Variants in RTKN2 observed in about 807,000 individuals in gnomAD.
RTKN2 encodes the protein rhotekin-2.
A neutral mutation model predicts 71.5 loss-of-function variants in RTKN2; 69 were observed. The ratio of observed to expected loss-of-function variants is 0.96; its 90% CI spans 0.79 to 1.18. The LOEUF (loss-of-function observed/expected upper bound fraction) is 1.18. Ranked by LOEUF, RTKN2 falls within the 50% of genes most tolerant of loss-of-function variation. The pLI is 0.00. For synonymous variants in RTKN2, 236 were observed against 236.5 expected (o/e 1.00, Z 0.02); for missense variants, 724 against 719.7 (o/e 1.01, Z -0.07).
intron 1 of RTKN2, among the ~76,000 whole-genome samples, chr10:62,263,311 C>CA (rs948656045): frequency 1.3e-5 from 2 of 151,834 alleles, no homozygotes; most frequent in Non-Finnish European, 2.9e-5. Context: ...GTCTATAAGC[C>CA]AAAAAAATAC....
chr10:62,197,357 C>A lies in RTKN2; in HGVS notation c.*551G>T. On this transcript the variant is annotated 3_prime_UTR_variant, in exon 12 of 12. Transcript: ENST00000373789. Reference sequence around the variant, plus strand: ...AGAATTTAATATTCTAAAATTTATCCCAGGAATTTAAAAGGTCAGGCCTAT... The same window carrying A: ...AGAATTTAATATTCTAAAATTTATCACAGGAATTTAAAAGGTCAGGCCTAT... 1 of 984,850 alleles carries A rather than the reference C, an allele frequency of 1.0e-6. No homozygotes were observed. The highest frequency in any genetic ancestry group is 4.7e-5 in the South Asian group (1 of 21,256). The allele number at this position is 984,850 out of a possible 1,614,324, so 61.0% of individuals were successfully genotyped here.
Position 62,195,218 on chromosome 10 carries a change from C to T in RTKN2, c.*2690G>A. 1 of 979,102 alleles carries T rather than the reference C, an allele frequency of 1.0e-6. No individual in the cohort carries two copies. Among genetic ancestry groups the T allele is most frequent in the Non-Finnish European group, 1.2e-6 (1 of 824,396 alleles). 60.7% of individuals were successfully genotyped at this position (979,102 alleles called of 1,614,324 possible). On this transcript the variant is annotated 3_prime_UTR_variant, in exon 12 of 12. Transcript: ENST00000373789. The stretch of plus-strand genomic sequence containing the variant: ...ATCATAAAATATCTATTCTGTTTCC[C>T]CAATTATATTATCAAGAGCTGACAG...
At chr10:62,254,240 C>T (rs1200538031) in intron 2 of RTKN2, among the ~76,000 whole-genome samples, 3 of 152,180 alleles carry the variant, frequency 2.0e-5, no homozygotes, top group African/African-American at 4.8e-5. Context: ...ATCATGGGGG[C>T]GGATTTCCCC....
chr10:62,207,970 T>C (rs938205126), intron 9 of RTKN2, among the ~76,000 whole-genome samples: 4 of 152,250 alleles, frequency 2.6e-5, no homozygotes, highest in Non-Finnish European at 5.9e-5. Context: ...GATTTGTAAA[T>C]AGATTTGAGA....
In RTKN2 at chr10:62,234,497, A is replaced by AAC. The variant is rs981783915; in HGVS notation, c.686+1568_686+1569insGT. Among the ~76,000 whole-genome samples, 44 of 151,382 alleles carry AAC rather than the reference A, an allele frequency of 2.9e-4. No homozygotes were observed. The East Asian group carries it at 8.5e-3, about 29-fold the overall frequency. On this transcript the variant is annotated intron_variant, in intron 6 of 11. Transcript: ENST00000373789. ...GGCAACAGATCCAGACTTGTCTTAAAAAAAAAAAAAGAAAAAGAAAAAGAA... is the reference window on the plus strand; with the variant it reads ...GGCAACAGATCCAGACTTGTCTTAAAACAAAAAAAAAAGAAAAAGAAAAAGAA...
chr10:62,186,663 A>T (rs1317529992), intron 8 of RTKN2, among the ~76,000 whole-genome samples: 8 of 152,198 alleles, frequency 5.3e-5, no homozygotes, highest in Non-Finnish European at 1.2e-4. Flanking sequence ...GTCTACATAA[A>T]CTATTGTTTG....
intron 6 of RTKN2, among the ~76,000 whole-genome samples, chr10:62,229,812 A>G (rs1277390435): frequency 6.6e-6 from 1 of 152,200 alleles, no homozygotes; most frequent in African/African-American, 2.4e-5. Context: ...TGTGACTAAG[A>G]CATCTTTTAA....
intron 3 of RTKN2, among the ~76,000 whole-genome samples, chr10:62,242,730 A>T (rs1842403336): frequency 6.6e-6 from 1 of 151,750 alleles, no homozygotes; most frequent in African/African-American, 2.4e-5. Flanking sequence ...CCGGGGTTCA[A>T]GTGATTCTCC....
At position 62,196,001 on chromosome 10, in the gene RTKN2, T is replaced by C. The variant is rs977130176; in HGVS notation, c.*1907A>G. Reference sequence around the variant, plus strand: ...GAGGAAAAATGACAAGAATATAATCTGGAAGTTTTAATACTGATTTGTAAT... The same window carrying C: ...GAGGAAAAATGACAAGAATATAATCCGGAAGTTTTAATACTGATTTGTAAT... On this transcript the variant is annotated 3_prime_UTR_variant, in exon 12 of 12. Transcript: ENST00000373789. 3 of 984,636 alleles carry C rather than the reference T, an allele frequency of 3.0e-6. No individual in the cohort carries two copies. The African/African-American group carries it at 5.3e-5, about 17-fold the overall frequency. The allele number at this position is 984,636 out of a possible 1,614,324, so 61.0% of individuals were successfully genotyped here.
chr10:62,211,036 A>T (rs1029474609), intron 9 of RTKN2, among the ~76,000 whole-genome samples: 7 of 152,176 alleles, frequency 4.6e-5, no homozygotes, highest in Non-Finnish European at 7.4e-5. Flanking sequence ...TTTAGTACAG[A>T]TTTTATTAAA....
At chr10:62,203,340 GA>G (rs1370211449) in intron 10 of RTKN2, among the ~76,000 whole-genome samples, 1 of 104,126 alleles carries the variant, frequency 9.6e-6, no homozygotes, top group Non-Finnish European at 1.9e-5. Context: ...GAGATCTGCT[GA>G]ATTTTTTTTT....
Position 62,268,542 on chromosome 10 carries a change from G to GC in RTKN2, c.60+8dup. 6.4e-7 allele frequency: 1 copy of GC among 1,553,566 alleles called. No homozygotes were observed. Among genetic ancestry groups the GC allele is most frequent in the Non-Finnish European group, 8.7e-7 (1 of 1,148,220 alleles). On this transcript the variant is annotated intron_variant, in intron 1 of 11. Coordinates refer to ENST00000373789, the MANE Select transcript of RTKN2 (RefSeq NM_145307.4). ...CACCTTCCGCGGCAGGGTCCCTCCC[G>GC]CAACTCACCTGCTGGGTGGGAAGCC...
chr10:62,188,008 C>G (rs1028151213), intron 8 of RTKN2, among the ~76,000 whole-genome samples: 4 of 152,220 alleles, frequency 2.6e-5, no homozygotes, highest in Non-Finnish European at 4.4e-5. Flanking sequence ...TAACCATATA[C>G]AAATGAAACA....
chr10:62,241,149 A>G lies in RTKN2; in HGVS notation c.363T>C (p.Asn121=). 1 of 1,541,108 alleles carries G rather than the reference A, an allele frequency of 6.5e-7. No homozygotes were observed. Among genetic ancestry groups the G allele is most frequent in the Non-Finnish European group, 8.9e-7 (1 of 1,121,636 alleles). ...LMWKDSDHFS[N]KERSRRYAIF... ...AATTAAAATCATACATACGTTCTTT[A>G]TTGCTGAAGTGATCAGAGTCTTTCC... The change falls in exon 4 of 12, where the codon AAT becomes AAC. Residue 121 remains asparagine (N), a synonymous_variant. Coordinates refer to ENST00000373789, the MANE Select transcript of RTKN2 (RefSeq NM_145307.4).
chr10:62,244,781 C>T (rs1412108634), intron 3 of RTKN2, among the ~76,000 whole-genome samples: 1 of 152,046 alleles, frequency 6.6e-6, no homozygotes, highest in Admixed American at 6.5e-5. Flanking sequence ...AAACAAGCAA[C>T]AAATTTTTAC....
At chr10:62,250,634 TTTTA>T (rs1327811968) in intron 2 of RTKN2, among the ~76,000 whole-genome samples, 1 of 152,158 alleles carries the variant, frequency 6.6e-6, no homozygotes, top group Non-Finnish European at 1.5e-5. Context: ...GTTTTATTAT[TTTTA>T]TTTATTTTTG....
intron 6 of RTKN2, 25 bp from the exon 7 acceptor site, chr10:62,223,357 T>C: frequency 7.3e-7 from 1 of 1,365,876 alleles, no homozygotes; most frequent in Non-Finnish European, 1.0e-6. Context: ...GAAGACATGT[T>C]TTAAGTATTT....
chr10:62,257,718 T>C (rs902226118), intron 2 of RTKN2, among the ~76,000 whole-genome samples: 1 of 152,178 alleles, frequency 6.6e-6, no homozygotes, highest in Admixed American at 6.5e-5. Context: ...GAAAGTAGAC[T>C]GAAATAAACC....
At chr10:62,184,167 T>C (rs1841097930) in exon 9 of RTKN2, 1 of 544,410 alleles carries the variant, frequency 1.8e-6, no homozygotes, top group Non-Finnish European at 3.2e-6. Context: ...AATATTCTTC[T>C]AAGGTCACTA....
Sources: gnomAD v4.1 joint callset for allele counts (sites outside exome capture counted in the v4.1 genomes callset) on GRCh38, gnomAD v4.1.1 for gene constraint, MANE v1.5 for transcripts, NCBI Gene and HGNC (gene_info 2026-07-23, HGNC 2026-07-21) for gene names.